FBXO36: variants seen among roughly 807,000 people sequenced by gnomAD.
The protein encoded by FBXO36 is F-box protein 36.
Under a neutral mutation model 17.0 loss-of-function variants are expected in FBXO36, and 18 were observed. That is an observed-to-expected ratio of 1.06 (90% CI 0.73 to 1.57). The LOEUF (loss-of-function observed/expected upper bound fraction) is 1.57. FBXO36 is among the 40% of genes most tolerant of loss of function. The pLI, the probability that FBXO36 is intolerant of heterozygous loss-of-function variation, is 0.00. For synonymous variants in FBXO36, 83 were observed against 85.3 expected, an observed-to-expected ratio of 0.97 and a Z score of 0.15; for missense variants, 229 against 221.9, an observed-to-expected ratio of 1.03 and a Z score of -0.20.
intron 2 of FBXO36, among the ~76,000 whole-genome samples, chr2:229,988,844 G>GT (rs1288831197): frequency 0.016 from 1,833 of 114,714 alleles, 40 homozygotes; most frequent in African/African-American, 0.057. Context: ...TTTTTTTTTT[G>GT]TTTTTTTTTT....
chr2:229,939,107 G>A (rs1292069694), intron 1 of FBXO36: 1 of 202,380 alleles, frequency 4.9e-6, no homozygotes, highest in Non-Finnish European at 8.2e-6. Flanking sequence ...AGGCTGGAGT[G>A]CAATGGCGCC....
chr2:229,969,939 A>T (rs1434177300), intron 1 of FBXO36, among the ~76,000 whole-genome samples: 2 of 152,158 alleles, frequency 1.3e-5, no homozygotes, highest in Admixed American at 1.3e-4. Flanking sequence ...AAAGATATTG[A>T]ACAATTAAAA....
chr2:229,972,080 G>A (rs901998860), intron 1 of FBXO36, among the ~76,000 whole-genome samples: 13 of 140,490 alleles, frequency 9.3e-5, no homozygotes, highest in Admixed American at 4.0e-4. Flanking sequence ...TGCAACCTCC[G>A]CCTCCTGGGT....
At chr2:229,925,975 T>C (rs1442945955) in intron 1 of FBXO36, among the ~76,000 whole-genome samples, 1 of 151,950 alleles carries the variant, frequency 6.6e-6, no homozygotes, top group African/African-American at 2.4e-5. Flanking sequence ...GAAAAAATAG[T>C]GCGCTGCTTT....
intron 3 of FBXO36, among the ~76,000 whole-genome samples, chr2:230,002,937 T>A (rs2077367583): frequency 1.3e-5 from 2 of 152,052 alleles, no homozygotes; most frequent in Non-Finnish European, 2.9e-5. Context: ...GTTGAAATAT[T>A]CCTTCTTGGC....
chr2:229,988,835 T>G (rs2077282940), intron 2 of FBXO36, among the ~76,000 whole-genome samples: 1 of 149,278 alleles, frequency 6.7e-6, no homozygotes, highest in Non-Finnish European at 1.5e-5. Context: ...CCTGTTTTTT[T>G]TTTTTTTTGT....
At chr2:229,932,940 G>A (rs755108266) in intron 1 of FBXO36, 4 of 251,370 alleles carry the variant, frequency 1.6e-5, no homozygotes, top group South Asian at 3.5e-5. Context: ...GGTGATGCAC[G>A]CCTGTAATCC....
intron 3 of FBXO36, 71 bp downstream of exon 3, chr2:229,996,994 A>C (rs1458102358): frequency 6.9e-7 from 1 of 1,453,398 alleles, no homozygotes; most frequent in Non-Finnish European, 9.4e-7. Flanking sequence ...TTAACATAGC[A>C]ATCATTTGTT....
At chr2:229,965,766 C>G (rs942476519) in intron 1 of FBXO36, among the ~76,000 whole-genome samples, 7 of 152,064 alleles carry the variant, frequency 4.6e-5, no homozygotes, top group African/African-American at 7.2e-5. Flanking sequence ...TCTTAATCCA[C>G]TCTATCATTG....
intron 1 of FBXO36, among the ~76,000 whole-genome samples, chr2:229,966,650 T>C (rs999931622): frequency 2.0e-5 from 3 of 152,234 alleles, no homozygotes; most frequent in African/African-American, 7.2e-5. Flanking sequence ...CCTTTCCCCA[T>C]TTCTTGTTTT....
At chr2:229,969,424 C>G (rs1170073039) in intron 1 of FBXO36, among the ~76,000 whole-genome samples, 2 of 151,784 alleles carry the variant, frequency 1.3e-5, no homozygotes, top group Non-Finnish European at 2.9e-5. Flanking sequence ...CACGGTGGCT[C>G]ACGCCTGTAA....
intron 2 of FBXO36, among the ~76,000 whole-genome samples, chr2:229,991,478 C>A (rs551759476): frequency 6.6e-6 from 1 of 152,206 alleles, no homozygotes; most frequent in Admixed American, 6.5e-5. Flanking sequence ...AGGCTCACTC[C>A]CTGTCTCCTT....
Position 230,012,800 on chromosome 2 carries a change from A to T in FBXO36, c.*1916A>T, listed in dbSNP as rs2077422361. 6.6e-6 allele frequency: 1 copy of T among 151,800 alleles called. No homozygotes were observed. Among genetic ancestry groups the T allele is most frequent in the Non-Finnish European group, 1.5e-5 (1 of 67,890 alleles). 9.4% of individuals were successfully genotyped at this position (151,800 alleles called of 1,614,324 possible). On this transcript the variant is annotated 3_prime_UTR_variant, in exon 4 of 4. Transcript: ENST00000283946. ...GTAACTTATTGGTAACATCAGTGCA[A>T]GATGATTAAAGCTTCATGTGTAGTA...
intron 3 of FBXO36, among the ~76,000 whole-genome samples, chr2:230,004,136 G>A (rs2077374266): frequency 6.6e-6 from 1 of 152,146 alleles, no homozygotes; most frequent in Non-Finnish European, 1.5e-5. Flanking sequence ...TGTGCCTTTT[G>A]CCTTTGCTTA....
rs567878855 is a variant in FBXO36 at position 230,012,818 on chromosome 2, G to A, written c.*1934G>A. The A allele has an allele frequency of 6.6e-6, 1 of 151,724 alleles. No individual in the cohort carries two copies. Among genetic ancestry groups the A allele is most frequent in the Admixed American group, 6.6e-5 (1 of 15,250 alleles). The allele number at this position is 151,724 out of a possible 1,614,324, so 9.4% of individuals were successfully genotyped here. A position where few individuals can be genotyped will look rare whatever the true frequency, so the allele number is the denominator to read the frequency against. ...CAGTGCAAGATGATTAAAGCTTCAT[G>A]TGTAGTATTTTATCAACAAACAGAT... On this transcript the variant is annotated 3_prime_UTR_variant, in exon 4 of 4. Coordinates refer to ENST00000283946, the MANE Select transcript of FBXO36 (RefSeq NM_174899.5).
At chr2:229,992,665 A>G (rs2077303723) in intron 2 of FBXO36, among the ~76,000 whole-genome samples, 1 of 152,178 alleles carries the variant, frequency 6.6e-6, no homozygotes, top group Non-Finnish European at 1.5e-5. Context: ...TTTATCATCT[A>G]TTGCTGTGTA....
At chr2:229,999,620 C>A (rs1052160011) in intron 3 of FBXO36, among the ~76,000 whole-genome samples, 2 of 151,038 alleles carry the variant, frequency 1.3e-5, no homozygotes, top group African/African-American at 4.9e-5. Flanking sequence ...TCAAATGATC[C>A]TCCCACCTCA....
At chr2:229,939,181 G>C in intron 1 of FBXO36, 1 of 947,730 alleles carries the variant, frequency 1.1e-6, no homozygotes, top group African/African-American at 1.8e-5. Flanking sequence ...AGCCTCCCAA[G>C]TATCTGGGAT....
chr2:230,007,962 C>T (rs2077395529), intron 3 of FBXO36, among the ~76,000 whole-genome samples: 1 of 152,146 alleles, frequency 6.6e-6, no homozygotes, highest in Non-Finnish European at 1.5e-5. Flanking sequence ...CTCCTGACCT[C>T]AAGTGATCTA....
Sources: allele counts gnomAD v4.1 joint callset (sites outside exome capture counted in the v4.1 genomes callset), GRCh38; gene constraint gnomAD v4.1.1; transcripts MANE v1.5; gene names NCBI Gene and HGNC (gene_info 2026-07-23, HGNC 2026-07-21).